TPR: variants seen among roughly 807,000 people sequenced by gnomAD.
TPR encodes the protein nucleoprotein TPR.
A neutral mutation model predicts 316.1 loss-of-function variants in TPR; 51 were observed. That is an observed-to-expected ratio of 0.16 (90% CI 0.13 to 0.20). The LOEUF is 0.20. TPR is among the 10% of genes least tolerant of loss of function. The pLI, the probability that TPR is intolerant of heterozygous loss-of-function variation, is 1.00. For synonymous variants in TPR, 981 were observed against 914.7 expected (o/e 1.07, Z -1.31); for missense variants, 2,272 against 2,754.8 (o/e 0.82, Z 3.92).
At chr1:186,336,407 A>C (rs890231864) in intron 33 of TPR, 89 bp downstream of exon 33, 2 of 1,250,026 alleles carry the variant, frequency 1.6e-6, no homozygotes, top group African/African-American at 1.5e-5. Context: ...TCATAAGTAG[A>C]TACCTTTTAT....
chr1:186,316,799 G>A (rs973587616), intron 49 of TPR, among the ~76,000 whole-genome samples: 13 of 152,234 alleles, frequency 8.5e-5, no homozygotes, highest in Non-Finnish European at 1.2e-4. Flanking sequence ...ACTGAGTTGC[G>A]AGAATCAAAT....
chr1:186,368,264 T>C (rs775767131), intron 3 of TPR, among the ~76,000 whole-genome samples: 1 of 152,184 alleles, frequency 6.6e-6, no homozygotes, highest in Non-Finnish European at 1.5e-5. Context: ...TACACCTTAG[T>C]TCAAATTATT....
chr1:186,364,870 G>A (rs910122691), intron 4 of TPR, among the ~76,000 whole-genome samples: 1 of 152,116 alleles, frequency 6.6e-6, no homozygotes, highest in Non-Finnish European at 1.5e-5. Flanking sequence ...GGCAGGAAGG[G>A]ATAGGCTAAC....
chr1:186,312,118 T>C lies in TPR; in HGVS notation c.*1853A>G. The C allele has an allele frequency of 4.6e-6, 7 of 1,518,576 alleles. No homozygotes were observed. Among genetic ancestry groups the C allele is most frequent in the Non-Finnish European group, 6.4e-6 (7 of 1,096,714 alleles). The allele number at this position is 1,518,576 out of a possible 1,614,324, so 94.1% of individuals were successfully genotyped here. The stretch of plus-strand genomic sequence containing the variant: ...CATTGTAAAAGTTGTTTTCCACCTT[T>C]TCTGAGGGTATTAAAATTAATTTTC... On this transcript the variant is annotated 3_prime_UTR_variant, in exon 51 of 51. Coordinates refer to ENST00000367478, the MANE Select transcript of TPR (RefSeq NM_003292.3).
chr1:186,360,161 C>T, intron 11 of TPR, 112 bp downstream of exon 11: 15 of 1,342,516 alleles, frequency 1.1e-5, no homozygotes, highest in Non-Finnish European at 1.5e-5. Flanking sequence ...TAGAATGATC[C>T]ACTAATTATA....
chr1:186,360,463 A>G (rs1232531992), intron 10 of TPR, 99 bp from the exon 11 acceptor site: 3 of 1,218,408 alleles, frequency 2.5e-6, no homozygotes, highest in Non-Finnish European at 3.4e-6. Context: ...TACATTATAT[A>G]GTAATTCCTA....
chr1:186,349,659 C>CAAAA (rs71104853), intron 21 of TPR, among the ~76,000 whole-genome samples: 1 of 146,626 alleles, frequency 6.8e-6, no homozygotes, highest in Non-Finnish European at 1.5e-5. Context: ...GACTCTCTCT[C>CAAAA]AAAAAAAAAA....
At chr1:186,358,468 T>C (rs1051004155) in intron 13 of TPR, 75 bp downstream of exon 13, 7 of 1,106,770 alleles carry the variant, frequency 6.3e-6, no homozygotes, top group Non-Finnish European at 9.3e-6. Context: ...CTATCTTAGG[T>C]ACCTTCAAAC....
intron 22 of TPR, among the ~76,000 whole-genome samples, chr1:186,346,826 C>CTTT (rs1184305559): frequency 2.0e-5 from 3 of 152,104 alleles, no homozygotes; most frequent in Admixed American, 1.3e-4. Flanking sequence ...TATTCAAAAC[C>CTTT]TTTCACATTT....
Position 186,311,928 on chromosome 1 carries a change from CTT to C in TPR, c.*2041_*2042del, listed in dbSNP as rs1204120158. ...AGTATATGTGCTGCCAAACTGAGCA[CTT>C]GTCACTTTCAATTGAAATTAAATAT... On this transcript the variant is annotated 3_prime_UTR_variant, in exon 51 of 51. Transcript: ENST00000367478. The C allele has an allele frequency of 2.4e-5, 13 of 538,732 alleles. No individual in the cohort carries two copies. Among genetic ancestry groups the C allele is most frequent in the South Asian group, 9.4e-5 (4 of 42,450 alleles). The allele number at this position is 538,732 out of a possible 1,614,324, so 33.4% of individuals were successfully genotyped here.
chr1:186,363,144 C>T (rs1315305001), intron 5 of TPR, 143 bp from the exon 6 acceptor site: 31 of 1,067,904 alleles, frequency 2.9e-5, no homozygotes, highest in Non-Finnish European at 3.4e-5. Flanking sequence ...AACTAGAAAA[C>T]ATTAAGAACT....
chr1:186,355,314 A>C (rs1658992006), intron 17 of TPR, 96 bp downstream of exon 17: 2 of 1,335,670 alleles, frequency 1.5e-6, no homozygotes, highest in East Asian at 4.7e-5. Flanking sequence ...TCACAAAAAA[A>C]GCAACACTAT....
rs146654310 is a variant in TPR, at chr1:186,359,862, C to T, written c.1326G>A (p.Glu442=). 1 of 1,603,888 alleles carries T rather than the reference C, an allele frequency of 6.2e-7. No homozygotes were observed. The highest frequency in any genetic ancestry group is 1.3e-5 in the African/African-American group (1 of 74,078). ...CAGCTTTCTGTGCACGTTCATATTC[C>T]TCACGCTGGCGTTTCAAAATTGGTG... is the stretch of plus-strand genomic sequence containing the variant. The part of the protein sequence containing the change: ...AKAPILKRQR[E]EYERAQKAVA... The change falls in exon 12 of 51, where the codon GAG becomes GAA. Residue 442 remains glutamate (E), a synonymous_variant. Coordinates refer to ENST00000367478, the MANE Select transcript of TPR (RefSeq NM_003292.3).
rs1438728908 is a variant in TPR, at chr1:186,333,201, C to T, written c.5376G>A (p.Glu1792=). The T allele has an allele frequency of 6.2e-7, 1 of 1,613,628 alleles. No homozygotes were observed. The highest frequency in any genetic ancestry group is 2.2e-5 in the East Asian group (1 of 44,874). Residue 1792 remains glutamate (E), a synonymous_variant, in exon 37 of 51, where the codon GAG becomes GAA. Transcript: ENST00000367478. The part of the protein sequence containing the change: ...SHPQIEPANQ[E]LSSNIVEVVQ... Reference sequence around the variant, plus strand: ...CAACCTCTACTATGTTTGAAGATAACTCTTGATTGGCAGGCTCAATCTGAG... The same window carrying T: ...CAACCTCTACTATGTTTGAAGATAATTCTTGATTGGCAGGCTCAATCTGAG...
intron 43 of TPR, 183 bp from the exon 44 acceptor site, chr1:186,322,769 T>C (rs1657807503): frequency 5.1e-6 from 3 of 593,972 alleles, no homozygotes; most frequent in South Asian, 4.0e-5. Flanking sequence ...TTTTTAATTA[T>C]AGTCTATAAT....
At chr1:186,346,575 T>C (rs3766703) in intron 22 of TPR, among the ~76,000 whole-genome samples, 28,375 of 151,986 alleles carry the variant, frequency 0.19, 2,999 homozygotes, top group African/African-American at 0.29. Context: ...GCCAAATCCA[T>C]CTATTCTACA....
At chr1:186,363,267 T>C in intron 5 of TPR, 75 bp downstream of exon 5, 1 of 1,255,342 alleles carries the variant, frequency 8.0e-7, no homozygotes, top group South Asian at 1.3e-5. Flanking sequence ...CTTTATTGCC[T>C]ATATTTGAAA....
Position 186,343,926 on chromosome 1 carries a change from T to A in TPR, c.3582A>T (p.Glu1194Asp). The change falls in exon 26 of 51, where the codon GAA becomes GAT. Residue 1194 changes from glutamate (E) to aspartate (D), a missense_variant. Glu to Asp is a conservative substitution (Grantham distance 45). Around this residue, in one of 10 missense-constraint regions of TPR, gnomAD observed 757 missense variants for 859.8 expected, o/e 0.88. Coordinates refer to ENST00000367478, the MANE Select transcript of TPR (RefSeq NM_003292.3). ...VSLSEEGKSQ[E>D]QILEILRFIR... Reference sequence around the variant, plus strand: ...TTTACCTGAGAATTTCCAAAATTTGTTCTTGAGATTTTCCTTCTTCACTGA... The same window carrying A: ...TTTACCTGAGAATTTCCAAAATTTGATCTTGAGATTTTCCTTCTTCACTGA... 6.2e-7 allele frequency: 1 copy of A among 1,613,402 alleles called. No individual in the cohort carries two copies. Among genetic ancestry groups the A allele is most frequent in the South Asian group, 1.1e-5 (1 of 90,888 alleles).
At chr1:186,373,525 CTGT>C in intron 1 of TPR, 62 bp from the exon 2 acceptor site, 1 of 957,612 alleles carries the variant, frequency 1.0e-6, no homozygotes, top group Non-Finnish European at 1.6e-6. Context: ...ATTGTGAATA[CTGT>C]TATTTATTTC....
Sources: allele counts gnomAD v4.1 joint callset (sites outside exome capture counted in the v4.1 genomes callset), GRCh38; gene constraint gnomAD v4.1.1; regional missense constraint gnomAD v4.1.1; transcripts MANE v1.5; gene names NCBI Gene and HGNC (gene_info 2026-07-23, HGNC 2026-07-21).